PPP3CC: variants seen among roughly 807,000 people sequenced by gnomAD.
PPP3CC encodes serine/threonine-protein phosphatase 2B catalytic subunit gamma isoform.
Under a neutral mutation model 60.3 loss-of-function variants are expected in PPP3CC, and 35 were observed. That is an observed-to-expected ratio of 0.58 (90% CI 0.44 to 0.77). The LOEUF (loss-of-function observed/expected upper bound fraction) is 0.77, where lower values mean the gene tolerates loss of function less well. PPP3CC is among the 30% of genes least tolerant of loss of function. PPP3CC has a pLI of 0.00. For synonymous variants in PPP3CC, 206 were observed against 224.3 expected (o/e 0.92, Z 0.73); for missense variants, 570 against 628.9 (o/e 0.91, Z 1.00).
intron 6 of PPP3CC, among the ~76,000 whole-genome samples, chr8:22,518,934 A>AC (rs1014091419): frequency 6.6e-5 from 10 of 151,918 alleles, no homozygotes; most frequent in African/African-American, 2.4e-4. Flanking sequence ...TGATCCACCC[A>AC]CCTCAGCCTC....
chr8:22,519,552 A>G (rs1297515178), intron 6 of PPP3CC, among the ~76,000 whole-genome samples: 1 of 152,126 alleles, frequency 6.6e-6, no homozygotes, highest in Non-Finnish European at 1.5e-5. Flanking sequence ...CAAACATTTT[A>G]TAGTTATAGC....
chr8:22,450,992 G>C (rs898857400), intron 1 of PPP3CC, among the ~76,000 whole-genome samples: 2 of 145,808 alleles, frequency 1.4e-5, no homozygotes, highest in Admixed American at 1.3e-4. Flanking sequence ...GCGCCACCAC[G>C]CCCGGCTAAT....
At chr8:22,473,175 C>T (rs1418745887) in intron 1 of PPP3CC, among the ~76,000 whole-genome samples, 2 of 152,078 alleles carry the variant, frequency 1.3e-5, no homozygotes, top group African/African-American at 4.8e-5. Flanking sequence ...TCATAGATTT[C>T]AACTTGGTTC....
intron 4 of PPP3CC, among the ~76,000 whole-genome samples, chr8:22,501,928 G>A (rs906583753): frequency 4.6e-5 from 7 of 152,196 alleles, no homozygotes; most frequent in African/African-American, 1.7e-4. Context: ...TTAAGAAGCT[G>A]AGACTGAAGG....
chr8:22,477,614 A>G (rs549916921), intron 3 of PPP3CC, among the ~76,000 whole-genome samples: 1 of 152,152 alleles, frequency 6.6e-6, no homozygotes, highest in Non-Finnish European at 1.5e-5. Context: ...CTGAATTTCT[A>G]ATTAGGCATT....
chr8:22,479,754 A>G (rs1034684593), intron 3 of PPP3CC, among the ~76,000 whole-genome samples: 4 of 151,730 alleles, frequency 2.6e-5, no homozygotes, highest in African/African-American at 9.7e-5. Flanking sequence ...AAAAAAAAAA[A>G]AAAAAAGAAA....
intron 4 of PPP3CC, among the ~76,000 whole-genome samples, chr8:22,509,129 C>A (rs17060884): frequency 1.3e-5 from 2 of 152,128 alleles, no homozygotes; most frequent in African/African-American, 2.4e-5. Context: ...CAACCTCAAG[C>A]GTGGTCTACT....
intron 1 of PPP3CC, among the ~76,000 whole-genome samples, chr8:22,446,201 C>G (rs1030720229): frequency 6.6e-6 from 1 of 152,070 alleles, no homozygotes; most frequent in African/African-American, 2.4e-5. Flanking sequence ...CACCCACATA[C>G]CCATGTAACC....
chr8:22,456,020 T>C (rs1054730253), intron 1 of PPP3CC, among the ~76,000 whole-genome samples: 1 of 152,248 alleles, frequency 6.6e-6, no homozygotes, highest in African/African-American at 2.4e-5. Flanking sequence ...CAGTGCGTGT[T>C]CATGATTGGC....
chr8:22,502,032 A>C (rs1196482014), intron 4 of PPP3CC, among the ~76,000 whole-genome samples: 3 of 152,066 alleles, frequency 2.0e-5, no homozygotes, highest in Non-Finnish European at 4.4e-5. Flanking sequence ...GTCCCTAAAA[A>C]TAAATAAATA....
chr8:22,497,024 G>T (rs1477058497), intron 3 of PPP3CC, among the ~76,000 whole-genome samples: 1 of 151,598 alleles, frequency 6.6e-6, no homozygotes, highest in East Asian at 1.9e-4. Flanking sequence ...TGTATAAAAG[G>T]TCTATTTTTG....
At chr8:22,471,221 T>C (rs1166874094) in intron 1 of PPP3CC, among the ~76,000 whole-genome samples, 1 of 152,080 alleles carries the variant, frequency 6.6e-6, no homozygotes, top group Non-Finnish European at 1.5e-5. Flanking sequence ...GCACAAATTA[T>C]TAAAATGCTA....
At chr8:22,489,754 T>TATTATATATATA (rs1838342592) in intron 3 of PPP3CC, among the ~76,000 whole-genome samples, 2 of 143,694 alleles carry the variant, frequency 1.4e-5, no homozygotes, top group Non-Finnish European at 3.0e-5. Context: ...ATATATTATA[T>TATTATATATATA]ATAAGTATAT....
At chr8:22,480,504 A>G (rs561511492) in intron 3 of PPP3CC, among the ~76,000 whole-genome samples, 7 of 152,178 alleles carry the variant, frequency 4.6e-5, no homozygotes, top group Non-Finnish European at 1.0e-4. Context: ...TTTGAGACGG[A>G]GTCTCGCTCT....
intron 1 of PPP3CC, among the ~76,000 whole-genome samples, chr8:22,454,415 C>T (rs916993310): frequency 2.6e-5 from 4 of 152,120 alleles, no homozygotes; most frequent in African/African-American, 7.2e-5. Flanking sequence ...CCTGAAGGAC[C>T]TGTCTGGGGC....
intron 8 of PPP3CC, 119 bp from the exon 9 acceptor site, chr8:22,527,273 C>A: frequency 8.5e-7 from 1 of 1,172,148 alleles, no homozygotes; most frequent in Admixed American, 2.2e-5. Flanking sequence ...TAGTCAAGTC[C>A]TGACTTTACA....
intron 1 of PPP3CC, among the ~76,000 whole-genome samples, chr8:22,458,319 T>C (rs1837268446): frequency 6.6e-6 from 1 of 151,670 alleles, no homozygotes; most frequent in Non-Finnish European, 1.5e-5. Context: ...AAATATCAGC[T>C]GGGCTCGGTG....
intron 6 of PPP3CC, among the ~76,000 whole-genome samples, chr8:22,515,309 T>G (rs1202510752): frequency 6.6e-6 from 1 of 152,240 alleles, no homozygotes; most frequent in Non-Finnish European, 1.5e-5. Context: ...GATCTCATTC[T>G]TTTCAATGGC....
At chr8:22,451,611 C>G (rs1162406175) in intron 1 of PPP3CC, among the ~76,000 whole-genome samples, 1 of 152,058 alleles carries the variant, frequency 6.6e-6, no homozygotes, top group Non-Finnish European at 1.5e-5. Flanking sequence ...TTTCAGTGTC[C>G]CCAAGGGAAA....
Sources: gnomAD v4.1 joint callset for allele counts (sites outside exome capture counted in the v4.1 genomes callset) on GRCh38, gnomAD v4.1.1 for gene constraint, MANE v1.5 for transcripts, NCBI Gene and HGNC (gene_info 2026-07-23, HGNC 2026-07-21) for gene names.